CBFA2T3: variants seen among roughly 807,000 people sequenced by gnomAD.
CBFA2T3 encodes CBFA2/RUNX1 partner transcriptional co-repressor 3.
CBFA2T3 carries 31 observed loss-of-function variants against 58.6 expected under a neutral mutation model. That is an observed-to-expected ratio of 0.53 (90% CI 0.40 to 0.71). The LOEUF (loss-of-function observed/expected upper bound fraction) is 0.71, where lower values mean the gene tolerates loss of function less well. Among genes scored for constraint, CBFA2T3 ranks in the 30% least tolerant of loss-of-function variants. The pLI, the probability that CBFA2T3 is intolerant of heterozygous loss-of-function variation, is 0.00. For missense variants in CBFA2T3, 1,076 were observed against 963.1 expected, an observed-to-expected ratio of 1.12 and a Z score of -1.55; for synonymous variants, 531 against 421.9, an observed-to-expected ratio of 1.26 and a Z score of -3.17.
chr16:88,886,291 A>G, intron 5 of CBFA2T3, 149 bp from the exon 6 acceptor site: 3 of 359,518 alleles, frequency 8.3e-6, no homozygotes, highest in South Asian at 4.0e-5. Context: ...CTGGGCCTCA[A>G]GTTCCTTCCT....
In CBFA2T3 at chr16:88,877,021, G is replaced by A. The variant is rs751866111; in HGVS notation, c.1917C>T (p.Pro639=). 52 of 1,483,192 alleles carry A rather than the reference G, an allele frequency of 3.5e-5. No individual in the cohort carries two copies. Among genetic ancestry groups the A allele is most frequent in the Middle Eastern group, 2.3e-4 (1 of 4,278 alleles). The allele number at this position is 1,483,192 out of a possible 1,614,324, so 91.9% of individuals were successfully genotyped here. Residue 639 remains proline (P), a synonymous_variant, in exon 12 of 12, where the codon CCC becomes CCT. Transcript: ENST00000268679. ...GTGGGCCAGGTGGGCTGGGGGAGCC[G>A]GGGCGAGAAGGCCCCGCAGAGCCGG... ...SEAGSAGPSR[P]GSPSPPGPLD...
At position 88,972,757 on chromosome 16, in the gene CBFA2T3, G is replaced by T. The variant is rs560638422; in HGVS notation, c.151+3900C>A. Among the ~76,000 whole-genome samples, 115 of 152,312 alleles carry T rather than the reference G, an allele frequency of 7.6e-4. 1 individual carries two copies. The Middle Eastern group carries it at 0.027, about 36-fold the overall frequency. On this transcript the variant is annotated intron_variant, in intron 1 of 11. Transcript: ENST00000268679. ...ATAGCAGTAACAGCAGCACTCCCAG[G>T]CTGGCTCCCCGACATGGAGCCCCCC...
intron 1 of CBFA2T3, among the ~76,000 whole-genome samples, chr16:88,975,209 A>G (rs12051161): frequency 0.055 from 4,091 of 74,130 alleles, 94 homozygotes; most frequent in South Asian, 0.078. Flanking sequence ...GTCCACCCTG[A>G]CCCTCTGCTC....
intron 1 of CBFA2T3, among the ~76,000 whole-genome samples, chr16:88,912,085 G>A (rs532923136): frequency 6.6e-6 from 1 of 152,230 alleles, no homozygotes; most frequent in African/African-American, 2.4e-5. Context: ...TCCGGGCCCC[G>A]GCCCAGGGCT....
intron 1 of CBFA2T3, among the ~76,000 whole-genome samples, chr16:88,902,968 G>C (rs1348346697): frequency 6.6e-6 from 1 of 152,030 alleles, no homozygotes; most frequent in African/African-American, 2.4e-5. Context: ...CGACTGCCCT[G>C]CACCCTCCTC....
intron 1 of CBFA2T3, among the ~76,000 whole-genome samples, chr16:88,968,740 G>A (rs575436330): frequency 5.3e-5 from 8 of 152,140 alleles, no homozygotes; most frequent in African/African-American, 1.9e-4. Flanking sequence ...AAGAAGCTTC[G>A]GGGTCCAGTT....
chr16:88,890,135 A>G (rs1184811304), intron 5 of CBFA2T3, among the ~76,000 whole-genome samples: 1 of 151,916 alleles, frequency 6.6e-6, no homozygotes, highest in African/African-American at 2.4e-5. Flanking sequence ...GCGTGAATCT[A>G]GAACATGCCT....
At chr16:88,975,113 C>T (rs978013973) in intron 1 of CBFA2T3, among the ~76,000 whole-genome samples, 27 of 106,584 alleles carry the variant, frequency 2.5e-4, no homozygotes, top group Non-Finnish European at 4.4e-4. Flanking sequence ...GTGTTAGAGG[C>T]CACCCTGGCC....
At chr16:88,969,431 C>T (rs1183094454) in intron 1 of CBFA2T3, among the ~76,000 whole-genome samples, 1 of 152,234 alleles carries the variant, frequency 6.6e-6, no homozygotes, top group Non-Finnish European at 1.5e-5. Flanking sequence ...GCGGGGGTCG[C>T]AAGAGCGGGG....
Position 88,901,640 on chromosome 16 carries a change from T to C in CBFA2T3, c.168A>G (p.Lys56=), listed in dbSNP as rs76033980. The C allele has an allele frequency of 0.031, 46,727 of 1,531,978 alleles. 1,032 individuals carry two copies. Among genetic ancestry groups the C allele is most frequent in the African/African-American group, 0.11 (7,306 of 68,932 alleles). The allele number at this position is 1,531,978 out of a possible 1,614,324, so 94.9% of individuals were successfully genotyped here. ...AGTCCGGCATCGCTGAGGCCTTAGCTTTCCTGTCCACTGGGGCTGCGACCA... is the reference window on the plus strand; with the variant it reads ...AGTCCGGCATCGCTGAGGCCTTAGCCTTCCTGTCCACTGGGGCTGCGACCA... ...RKGGPAPVDR[K]AKASAMPDSP... is the part of the protein sequence containing the mutation. Residue 56 remains lysine, a synonymous_variant, in exon 2 of 12, where the codon AAA becomes AAG. Coordinates refer to ENST00000268679, the MANE Select transcript of CBFA2T3 (RefSeq NM_005187.6).
chr16:88,879,459 T>A lies in CBFA2T3; in HGVS notation c.1473A>T (p.Glu491Asp), dbSNP rs1447994074. The change falls in exon 11 of 12, where the codon GAA becomes GAT. Residue 491 changes from glutamate to aspartate, a missense_variant and splice_region_variant. Coordinates refer to ENST00000268679, the MANE Select transcript of CBFA2T3 (RefSeq NM_005187.6). Reference protein sequence around the residue: ...YVPEDIWRKAEEAVNEVKRQA... With the variant: ...YVPEDIWRKADEAVNEVKRQA... ...GCCGCTTCACCTCATTCACGGCCTC[T>A]TCTGCAAAGGACATGGGCAGGGCTG... The A allele has an allele frequency of 6.2e-7, 1 of 1,609,094 alleles. No individual in the cohort carries two copies. The highest frequency in any genetic ancestry group is 1.7e-5 in the Admixed American group (1 of 59,936).
intron 1 of CBFA2T3, among the ~76,000 whole-genome samples, chr16:88,932,181 C>A (rs1247317435): frequency 7.0e-6 from 1 of 143,424 alleles, no homozygotes; most frequent in East Asian, 2.1e-4. Flanking sequence ...CCTGCTTCCC[C>A]CTCACACGGC....
At chr16:88,936,625 C>A (rs1209107221) in intron 1 of CBFA2T3, among the ~76,000 whole-genome samples, 2 of 152,232 alleles carry the variant, frequency 1.3e-5, no homozygotes, top group African/African-American at 4.8e-5. Context: ...CAGAGGCAGG[C>A]GGCCGACAGC....
chr16:88,952,454 G>C (rs1972098763), intron 1 of CBFA2T3, among the ~76,000 whole-genome samples: 2 of 151,836 alleles, frequency 1.3e-5, no homozygotes, highest in East Asian at 3.9e-4. Flanking sequence ...CCCAGGCCAT[G>C]GGGTGAGGGA....
chr16:88,899,663 C>T (rs1171224479), intron 2 of CBFA2T3, among the ~76,000 whole-genome samples: 1 of 152,206 alleles, frequency 6.6e-6, no homozygotes, highest in East Asian at 1.9e-4. Flanking sequence ...CAAGCAGAGG[C>T]TGCTGGTCCC....
intron 1 of CBFA2T3, 23 bp from the exon 2 acceptor site, chr16:88,901,679 G>GAA: frequency 6.6e-7 from 1 of 1,517,962 alleles, no homozygotes; most frequent in Non-Finnish European, 8.7e-7. Context: ...GAGAAAGAAA[G>GAA]AGTCGGTGAA....
At chr16:88,892,638 A>G (rs928947227) in intron 3 of CBFA2T3, among the ~76,000 whole-genome samples, 153 bp from the exon 4 acceptor site, 2 of 152,196 alleles carry the variant, frequency 1.3e-5, no homozygotes, top group Non-Finnish European at 2.9e-5. Flanking sequence ...TGAGGATGAC[A>G]GCAGGAGCCC....
rs760162660 is a variant in CBFA2T3 at position 88,912,490 on chromosome 16, G to T, written c.152-10834C>A. Among the ~76,000 whole-genome samples the T allele has an allele frequency of 3.3e-5, 5 of 152,304 alleles. No homozygotes were observed. In the South Asian group the frequency reaches 8.3e-4, roughly 25 times the overall value. On this transcript the variant is annotated intron_variant, in intron 1 of 11. Transcript: ENST00000268679. ...GCATAGCCGTCTCCTCATCATTCAG[G>T]TCTTGGCGCAAATGTCCCTCCTCAG... is the stretch of plus-strand genomic sequence containing the variant.
intron 5 of CBFA2T3, 110 bp from the exon 6 acceptor site, chr16:88,886,252 G>A (rs1969368748): frequency 1.4e-6 from 1 of 721,558 alleles, no homozygotes; most frequent in Non-Finnish European, 2.1e-6. Flanking sequence ...CTTGACCTCG[G>A]GCCTCAAAGG....
Sources: allele counts gnomAD v4.1 joint callset (sites outside exome capture counted in the v4.1 genomes callset), GRCh38; gene constraint gnomAD v4.1.1; transcripts MANE v1.5; gene names NCBI Gene and HGNC (gene_info 2026-07-23, HGNC 2026-07-21).